Variants in ASCC1 observed in about 807,000 individuals in gnomAD.
ASCC1 encodes activating signal cointegrator 1 complex subunit 1.
ASCC1 carries 35 observed loss-of-function variants against 46.6 expected under a neutral mutation model. The ratio of observed to expected loss-of-function variants is 0.75; its 90% CI spans 0.57 to 0.99. The LOEUF is 0.99. Ranked by LOEUF, ASCC1 falls within the 50% of genes least tolerant of loss-of-function variation. ASCC1 has a pLI of 0.00. For synonymous variants in ASCC1, 143 were observed against 146.6 expected, an observed-to-expected ratio of 0.98 and a Z score of 0.18; for missense variants, 376 against 428.7, an observed-to-expected ratio of 0.88 and a Z score of 1.09.
At chr10:72,153,736 TA>T (rs754816827) in intron 6 of ASCC1, among the ~76,000 whole-genome samples, 1 of 151,340 alleles carries the variant, frequency 6.6e-6, no homozygotes, top group Non-Finnish European at 1.5e-5. Flanking sequence ...TTTTTTATTT[TA>T]TTTTTTTTGA....
intron 9 of ASCC1, among the ~76,000 whole-genome samples, chr10:72,106,145 C>T (rs1842321139): frequency 6.6e-6 from 1 of 151,992 alleles, no homozygotes. Context: ...TGCTGGTGGC[C>T]TCGGTGAACT....
intron 3 of ASCC1, among the ~76,000 whole-genome samples, chr10:72,207,815 ATTT>A (rs34399551): frequency 6.8e-6 from 1 of 146,394 alleles, no homozygotes. Flanking sequence ...AAATCTTAGT[ATTT>A]TTTTTTTTTT....
At chr10:72,120,502 A>G (rs1844069193) in intron 9 of ASCC1, among the ~76,000 whole-genome samples, 1 of 151,978 alleles carries the variant, frequency 6.6e-6, no homozygotes, top group South Asian at 2.1e-4. Context: ...CAATATTTGA[A>G]GGAATAAAGA....
At chr10:72,190,623 A>T in intron 5 of ASCC1, 1 of 904,508 alleles carries the variant, frequency 1.1e-6, no homozygotes, top group Non-Finnish European at 1.7e-6. Flanking sequence ...AATTTAAGAC[A>T]GTCATGTGTG....
chr10:72,209,526 A>G (rs547117940), intron 3 of ASCC1, among the ~76,000 whole-genome samples: 5 of 152,234 alleles, frequency 3.3e-5, no homozygotes, highest in African/African-American at 1.2e-4. Context: ...GCTCACACCT[A>G]TAATTCCGGC....
chr10:72,113,556 A>G (rs777185308), intron 9 of ASCC1, among the ~76,000 whole-genome samples: 27 of 152,252 alleles, frequency 1.8e-4, no homozygotes, highest in Non-Finnish European at 3.4e-4. Flanking sequence ...AAAGTAACAC[A>G]TAAGACACAT....
At chr10:72,206,392 G>C (rs894994661) in intron 3 of ASCC1, among the ~76,000 whole-genome samples, 1 of 151,946 alleles carries the variant, frequency 6.6e-6, no homozygotes, top group Non-Finnish European at 1.5e-5. Flanking sequence ...CAACAAGAGC[G>C]AAACTCCCGT....
At chr10:72,137,291 G>A (rs933626316) in intron 7 of ASCC1, among the ~76,000 whole-genome samples, 1 of 151,884 alleles carries the variant, frequency 6.6e-6, no homozygotes, top group African/African-American at 2.4e-5. Context: ...CACTTTGGGA[G>A]GCCAAGGCGT....
At chr10:72,098,612 T>C (rs1371646860) in intron 9 of ASCC1, among the ~76,000 whole-genome samples, 1 of 152,244 alleles carries the variant, frequency 6.6e-6, no homozygotes, top group East Asian at 1.9e-4. Context: ...CTTATTTTTA[T>C]ACAACCTCCA....
chr10:72,152,669 C>CA lies in ASCC1; in HGVS notation c.746+199dup. Among the ~76,000 whole-genome samples the CA allele has an allele frequency of 1.3e-5, 2 of 152,196 alleles. 1 individual carries two copies. Among genetic ancestry groups the CA allele is most frequent in the South Asian group, 4.1e-4 (2 of 4,824 alleles). Reference sequence around the variant, plus strand: ...ATAGTAAGACCCCCATCCTAAAAGTCAGACTTAAAATCTGATACTTTTTCC... The same window carrying CA: ...ATAGTAAGACCCCCATCCTAAAAGTCAAGACTTAAAATCTGATACTTTTTCC... On this transcript the variant is annotated intron_variant, in intron 7 of 9. Transcript: ENST00000672957.
chr10:72,161,199 A>G (rs979927603), intron 6 of ASCC1, among the ~76,000 whole-genome samples: 2 of 151,696 alleles, frequency 1.3e-5, no homozygotes, highest in Non-Finnish European at 2.9e-5. Context: ...AAAAAAAAAA[A>G]GAAACACAGT....
rs369295979 is a variant in ASCC1 at position 72,179,811 on chromosome 10, T to C, written c.489+17000A>G. Among the ~76,000 whole-genome samples the C allele has an allele frequency of 9.2e-4, 140 of 152,238 alleles. 2 individuals carry two copies. In the South Asian group the frequency reaches 0.012, roughly 13 times the overall value. On this transcript the variant is annotated intron_variant, in intron 5 of 9. Transcript: ENST00000672957. ...TTATCAATTGAGTGAATAAAAACAGTGGGACACTCAGGCTAATTTACAATA... is the reference window on the plus strand; with the variant it reads ...TTATCAATTGAGTGAATAAAAACAGCGGGACACTCAGGCTAATTTACAATA...
At chr10:72,173,863 C>T (rs1032651219) in intron 5 of ASCC1, among the ~76,000 whole-genome samples, 7 of 152,218 alleles carry the variant, frequency 4.6e-5, no homozygotes, top group African/African-American at 1.7e-4. Context: ...TCCAAGCTTG[C>T]CATTACTTGG....
At chr10:72,125,690 A>T (rs1264576401) in intron 9 of ASCC1, among the ~76,000 whole-genome samples, 2 of 152,206 alleles carry the variant, frequency 1.3e-5, no homozygotes, top group Non-Finnish European at 2.9e-5. Context: ...TTGATTGAAC[A>T]TAGGTGAAAG....
At chr10:72,141,460 A>T (rs1465680435) in intron 7 of ASCC1, among the ~76,000 whole-genome samples, 2 of 152,216 alleles carry the variant, frequency 1.3e-5, no homozygotes, top group East Asian at 3.8e-4. Flanking sequence ...CGGGATCTTC[A>T]TATAGATATT....
In ASCC1 at chr10:72,151,100, A is replaced by T. The variant is rs1589361596; in HGVS notation, c.746+1769T>A. Among the ~76,000 whole-genome samples the T allele has an allele frequency of 2.6e-5, 4 of 152,378 alleles. No individual in the cohort carries two copies. The South Asian group carries it at 8.3e-4, about 32-fold the overall frequency. ...ACCCAGCAATCCCATTACTGGGTAT[A>T]CACCCAAAGGATTATAAATCATGCT... is the stretch of plus-strand genomic sequence containing the variant. On this transcript the variant is annotated intron_variant, in intron 7 of 9. Coordinates refer to ENST00000672957, the MANE Select transcript of ASCC1 (RefSeq NM_001198800.3).
intron 5 of ASCC1, among the ~76,000 whole-genome samples, chr10:72,194,790 T>C (rs2133239106): frequency 6.6e-6 from 1 of 152,330 alleles, no homozygotes; most frequent in African/African-American, 2.4e-5. Flanking sequence ...TTGCCCAGGC[T>C]GGAGGGCAAA....
At chr10:72,128,683 C>T (rs1845187412) in intron 8 of ASCC1, among the ~76,000 whole-genome samples, 1 of 152,184 alleles carries the variant, frequency 6.6e-6, no homozygotes, top group Admixed American at 6.5e-5. Flanking sequence ...CAAAGGTATC[C>T]TTACAGATAT....
At chr10:72,190,068 C>T in intron 5 of ASCC1, 1 of 758,644 alleles carries the variant, frequency 1.3e-6, no homozygotes, top group Non-Finnish European at 2.4e-6. Flanking sequence ...CCCCACCCCA[C>T]CCAGCCTGAT....
Sources: gnomAD v4.1 joint callset for allele counts (sites outside exome capture counted in the v4.1 genomes callset) on GRCh38, gnomAD v4.1.1 for gene constraint, MANE v1.5 for transcripts, NCBI Gene and HGNC (gene_info 2026-07-23, HGNC 2026-07-21) for gene names.